Variants in KCNAB1 observed in about 807,000 individuals in gnomAD.
KCNAB1 encodes the protein voltage-gated potassium channel subunit beta-1.
In KCNAB1, 35 loss-of-function variants were observed where a neutral mutation model predicts 64.6. That is an observed-to-expected ratio of 0.54 (90% CI 0.41 to 0.72). KCNAB1 has a LOEUF of 0.72. Ranked by LOEUF, KCNAB1 falls within the 30% of genes least tolerant of loss-of-function variation. The pLI is 0.00. For missense variants in KCNAB1, 401 were observed against 512.9 expected (o/e 0.78, Z 2.11); for synonymous variants, 177 against 183.8 (o/e 0.96, Z 0.30).
intron 2 of KCNAB1, among the ~76,000 whole-genome samples, chr3:156,424,097 G>A (rs910038471): frequency 6.6e-6 from 1 of 152,070 alleles, no homozygotes; most frequent in African/African-American, 2.4e-5. Context: ...AGAAGGTTAA[G>A]AAACTTGGAG....
At chr3:156,345,150 A>T (rs1055163361) in intron 1 of KCNAB1, among the ~76,000 whole-genome samples, 3 of 152,098 alleles carry the variant, frequency 2.0e-5, no homozygotes, top group African/African-American at 7.2e-5. Flanking sequence ...AAAGGTGAAA[A>T]ACTGATCTCT....
intron 1 of KCNAB1, among the ~76,000 whole-genome samples, chr3:156,278,170 T>C (rs555002760): frequency 7.9e-4 from 121 of 152,310 alleles, no homozygotes; most frequent in African/African-American, 2.9e-3. Flanking sequence ...TTAGATGTTA[T>C]GAGATAAAGA....
chr3:156,292,823 G>C (rs1337260213), intron 1 of KCNAB1, among the ~76,000 whole-genome samples: 1 of 152,228 alleles, frequency 6.6e-6, no homozygotes, highest in African/African-American at 2.4e-5. Flanking sequence ...GATTACAGGA[G>C]TAAACCACCG....
At chr3:156,509,058 C>A in intron 8 of KCNAB1, among the ~76,000 whole-genome samples, 1 of 150,378 alleles carries the variant, frequency 6.6e-6, no homozygotes, top group African/African-American at 2.5e-5. Flanking sequence ...GATTCTGATT[C>A]ATGGTGGTGG....
chr3:156,263,771 A>T (rs1718552430), intron 1 of KCNAB1, among the ~76,000 whole-genome samples: 1 of 152,146 alleles, frequency 6.6e-6, no homozygotes, highest in Admixed American at 6.5e-5. Context: ...TACCTAATAC[A>T]ATGTAAATGA....
Position 156,331,435 on chromosome 3 carries a change from G to C in KCNAB1, c.276-90181G>C, listed in dbSNP as rs73164704. On this transcript the variant is annotated intron_variant, in intron 1 of 13. Transcript: ENST00000490337. ...AGATTCTAACAGTGCATGGCAAAATGAGTAAAATAAAAACAAAGGAGTCGT... is the reference window on the plus strand; with the variant it reads ...AGATTCTAACAGTGCATGGCAAAATCAGTAAAATAAAAACAAAGGAGTCGT... Among the ~76,000 whole-genome samples, 947 of 152,220 alleles carry C rather than the reference G, an allele frequency of 6.2e-3. 3 individuals are homozygous for C. The highest frequency in any genetic ancestry group is 9.6e-3 in the Non-Finnish European group (651 of 68,002).
intron 1 of KCNAB1, among the ~76,000 whole-genome samples, chr3:156,354,047 A>ATATATGTGTGTG (rs1553851297): frequency 2.2e-5 from 3 of 137,566 alleles, no homozygotes; most frequent in African/African-American, 8.1e-5. Context: ...GTGTATATAT[A>ATATATGTGTGTG]TGTGTGTGTG....
At chr3:156,411,626 C>T (rs1239240222) in intron 1 of KCNAB1, among the ~76,000 whole-genome samples, 1 of 152,140 alleles carries the variant, frequency 6.6e-6, no homozygotes, top group African/African-American at 2.4e-5. Context: ...AATCCTTTCT[C>T]CATTTAATTA....
rs537896716 is a variant in KCNAB1 at position 156,204,914 on chromosome 3, C to G, written c.275+84028C>G. 6.6e-5 allele frequency among the ~76,000 whole-genome samples: 10 copies of G among 151,982 alleles called. No individual in the cohort carries two copies. The South Asian group carries it at 2.1e-3, about 32-fold the overall frequency. ...AGTTGGGCAGCTAGGATGATGGACT[C>G]GAATCAGATGTCAATTGATTTTCTT... On this transcript the variant is annotated intron_variant, in intron 1 of 13. Transcript: ENST00000490337.
chr3:156,163,414 T>C (rs1716196624), intron 1 of KCNAB1, among the ~76,000 whole-genome samples: 1 of 152,186 alleles, frequency 6.6e-6, no homozygotes, highest in Admixed American at 6.5e-5. Flanking sequence ...TCATGCCAGA[T>C]AGTGGGACCT....
intron 6 of KCNAB1, among the ~76,000 whole-genome samples, chr3:156,464,698 AATG>A (rs1430649720): frequency 6.6e-6 from 1 of 152,154 alleles, no homozygotes; most frequent in Non-Finnish European, 1.5e-5. Context: ...GCCTATTTAT[AATG>A]ATATGAAGAC....
rs187771271 is a variant in KCNAB1, at chr3:156,419,394, G to A, written c.276-2222G>A. ...GGGGTGCCTGTAGTCCCAGCTACTCGGGAGGCTGAGGCAGGAGAGTGGCAT... is the reference window on the plus strand; with the variant it reads ...GGGGTGCCTGTAGTCCCAGCTACTCAGGAGGCTGAGGCAGGAGAGTGGCAT... On this transcript the variant is annotated intron_variant, in intron 1 of 13. Coordinates refer to ENST00000490337, the MANE Select transcript of KCNAB1 (RefSeq NM_172160.3). 3.2e-3 allele frequency among the ~76,000 whole-genome samples: 480 copies of A among 151,936 alleles called. 1 individual carries two copies. Among genetic ancestry groups the A allele is most frequent in the African/African-American group, 0.011 (446 of 41,442 alleles).
At chr3:156,483,207 C>G (rs891524848) in intron 8 of KCNAB1, among the ~76,000 whole-genome samples, 2 of 151,926 alleles carry the variant, frequency 1.3e-5, no homozygotes, top group Admixed American at 6.6e-5. Context: ...GAAAAGATGC[C>G]CGGGTCAGTA....
intron 11 of KCNAB1, among the ~76,000 whole-genome samples, chr3:156,522,885 G>A (rs527499531): frequency 6.6e-6 from 1 of 152,128 alleles, no homozygotes; most frequent in Non-Finnish European, 1.5e-5. Context: ...ACCACACAGT[G>A]TGATGATTTT....
chr3:156,127,884 GGTGT>G (rs10576749), intron 1 of KCNAB1, among the ~76,000 whole-genome samples: 10,768 of 147,612 alleles, frequency 0.073, 455 homozygotes, highest in South Asian at 0.098. Context: ...CTTCATTTGG[GGTGT>G]GTGTGTGTGT....
At chr3:156,381,033 G>T (rs1360963536) in intron 1 of KCNAB1, among the ~76,000 whole-genome samples, 1 of 152,166 alleles carries the variant, frequency 6.6e-6, no homozygotes, top group East Asian at 1.9e-4. Flanking sequence ...TTGTTAATTC[G>T]CCTGATTTAA....
intron 8 of KCNAB1, among the ~76,000 whole-genome samples, chr3:156,491,059 A>T (rs1481282093): frequency 1.3e-5 from 2 of 152,172 alleles, no homozygotes; most frequent in African/African-American, 2.4e-5. Context: ...AAGCAAAAAG[A>T]TGATGGGCAA....
chr3:156,485,944 T>C (rs1166527864), intron 8 of KCNAB1, among the ~76,000 whole-genome samples: 1 of 152,162 alleles, frequency 6.6e-6, no homozygotes, highest in Non-Finnish European at 1.5e-5. Flanking sequence ...GTCTGCATAC[T>C]ATTCCATAGT....
intron 1 of KCNAB1, among the ~76,000 whole-genome samples, chr3:156,158,257 T>C (rs1715875052): frequency 6.6e-6 from 1 of 151,480 alleles, no homozygotes; most frequent in Non-Finnish European, 1.5e-5. Flanking sequence ...AAATTTAACA[T>C]TAATTCTATT....
Sources: gnomAD v4.1 joint callset for allele counts (sites outside exome capture counted in the v4.1 genomes callset) on GRCh38, gnomAD v4.1.1 for gene constraint, MANE v1.5 for transcripts, NCBI Gene and HGNC (gene_info 2026-07-23, HGNC 2026-07-21) for gene names.